RPGRIP1: variants seen among roughly 807,000 people sequenced by gnomAD.
The protein encoded by RPGRIP1 is X-linked retinitis pigmentosa GTPase regulator-interacting protein 1.
In RPGRIP1, 128 loss-of-function variants were observed where a neutral mutation model predicts 157.9. The observed-to-expected ratio is 0.81, with a 90% CI of 0.70 to 0.94. The LOEUF (loss-of-function observed/expected upper bound fraction) is 0.94, where lower values mean the gene tolerates loss of function less well. RPGRIP1 is among the 40% of genes least tolerant of loss of function. RPGRIP1 has a pLI of 0.00. For synonymous variants in RPGRIP1, 554 were observed against 571.6 expected, an observed-to-expected ratio of 0.97 and a Z score of 0.44; for missense variants, 1,486 against 1,545.8, an observed-to-expected ratio of 0.96 and a Z score of 0.65.
At chr14:21,290,351 G>A (rs1880471829) in intron 2 of RPGRIP1, among the ~76,000 whole-genome samples, 1 of 152,126 alleles carries the variant, frequency 6.6e-6, no homozygotes, top group Non-Finnish European at 1.5e-5. Context: ...TGTAACTGAG[G>A]TGTTATCTCA....
intron 10 of RPGRIP1, among the ~76,000 whole-genome samples, chr14:21,315,367 C>T (rs1881731472): frequency 6.6e-6 from 1 of 151,604 alleles, no homozygotes; most frequent in Non-Finnish European, 1.5e-5. Context: ...ATTAGCCAGG[C>T]GTGGTGGCAG....
chr14:21,301,386 A>T (rs1009764544), intron 4 of RPGRIP1, 149 bp downstream of exon 4: 10 of 899,658 alleles, frequency 1.1e-5, no homozygotes, highest in Non-Finnish European at 1.7e-5. Flanking sequence ...TAAAATCTTT[A>T]TTTCCTGAGT....
At chr14:21,332,084 G>A (rs1404187541) in intron 20 of RPGRIP1, among the ~76,000 whole-genome samples, 1 of 151,512 alleles carries the variant, frequency 6.6e-6, no homozygotes, top group Non-Finnish European at 1.5e-5. Flanking sequence ...GACTACAGGT[G>A]TGCCCCACTA....
At chr14:21,288,270 T>C (rs1345105137) in intron 2 of RPGRIP1, among the ~76,000 whole-genome samples, 1 of 148,020 alleles carries the variant, frequency 6.8e-6, no homozygotes, top group African/African-American at 2.5e-5. Flanking sequence ...AGCCTCCGAC[T>C]CCTGGGTTCA....
Position 21,317,457 on chromosome 14 carries a change from G to A in RPGRIP1, c.1152-239G>A, listed in dbSNP as rs3748356. The A allele has an allele frequency of 5.2e-4, 472 of 911,090 alleles. 3 individuals are homozygous for A. The East Asian group carries it at 0.012, about 23-fold the overall frequency. The allele number at this position is 911,090 out of a possible 1,614,324, so 56.4% of individuals were successfully genotyped here. ...TCCTTGGGAAATGGATATGACTTGG[G>A]GTGTTTGCTCAGTCAGATATCTGAG... On this transcript the variant is annotated intron_variant, in intron 10 of 24. Transcript: ENST00000400017.
At chr14:21,338,027 C>T (rs1175669656) in intron 21 of RPGRIP1, among the ~76,000 whole-genome samples, 1 of 152,148 alleles carries the variant, frequency 6.6e-6, no homozygotes, top group East Asian at 1.9e-4. Context: ...AGCAATTCTC[C>T]TGTCTCACCC....
Position 21,286,889 on chromosome 14 carries a change from G to A in RPGRIP1, c.-38-1050G>A, listed in dbSNP as rs771737480. ...AAAGTCAGGAGACTGGGCCTGGCAC[G>A]GTGGCTCATGCCTTTAATCCTAGCA... On this transcript the variant is annotated intron_variant, in intron 1 of 24. Transcript: ENST00000400017. Among the ~76,000 whole-genome samples, 8 of 151,962 alleles carry A rather than the reference G, an allele frequency of 5.3e-5. No homozygotes were observed. The South Asian group carries it at 1.0e-3, about 20-fold the overall frequency.
rs986728579 is a variant in RPGRIP1 at position 21,338,151 on chromosome 14, C to T, written c.3339+3446C>T. ...CAGGATGGTCTCAATCTCCTGACCT[C>T]GTGATCTGCCCGCCTCGGCCTCCCA... On this transcript the variant is annotated intron_variant, in intron 21 of 24. Coordinates refer to ENST00000400017, the MANE Select transcript of RPGRIP1 (RefSeq NM_020366.4). Among the ~76,000 whole-genome samples, 3 of 151,824 alleles carry T rather than the reference C, an allele frequency of 2.0e-5. No homozygotes were observed. The East Asian group carries it at 5.9e-4, about 30-fold the overall frequency.
At chr14:21,329,806 A>G (rs1286503827) in intron 19 of RPGRIP1, among the ~76,000 whole-genome samples, 1 of 150,894 alleles carries the variant, frequency 6.6e-6, no homozygotes, top group African/African-American at 2.4e-5. Context: ...AACGAGTACT[A>G]ACTTTTAAAA....
chr14:21,330,181 A>C (rs1474732982), intron 19 of RPGRIP1, 68 bp from the exon 20 acceptor site: 16 of 1,084,116 alleles, frequency 1.5e-5, no homozygotes, highest in Middle Eastern at 2.1e-4. Flanking sequence ...AGAAGGCAGG[A>C]AGGAAGGAAT....
chr14:21,288,111 C>T (rs1880366645), intron 2 of RPGRIP1, 50 bp downstream of exon 2: 1 of 1,143,300 alleles, frequency 8.7e-7, no homozygotes, highest in Non-Finnish European at 1.3e-6. Flanking sequence ...AAAGAACTCT[C>T]ACTGTGGAAC....
Position 21,351,152 on chromosome 14 carries a change from C to T in RPGRIP1, c.3797C>T (p.Ser1266Phe), listed in dbSNP as rs1886244216. The T allele has an allele frequency of 1.9e-6, 3 of 1,612,804 alleles. No homozygotes were observed. Among genetic ancestry groups the T allele is most frequent in the East Asian group, 4.5e-5 (2 of 44,848 alleles). ...LATPIGRLKV[S>F]LQAAAVLHAI... Reference sequence around the variant, plus strand: ...ACCCCAATAGGAAGGCTGAAGGTTTCCCTTCAAGCAGCTGCTGTCCTCCAT... The same window carrying T: ...ACCCCAATAGGAAGGCTGAAGGTTTTCCTTCAAGCAGCTGCTGTCCTCCAT... The change falls in exon 25 of 25, where the codon TCC (serine) becomes TTC (phenylalanine). Residue 1266 changes from serine (S) to phenylalanine (F), a missense_variant. Ser to Phe is a radical substitution (Grantham distance 155). Coordinates refer to ENST00000400017, the MANE Select transcript of RPGRIP1 (RefSeq NM_020366.4).
intron 3 of RPGRIP1, among the ~76,000 whole-genome samples, chr14:21,295,169 T>C: frequency 6.6e-6 from 1 of 151,942 alleles, no homozygotes; most frequent in Non-Finnish European, 1.5e-5. Context: ...AAGCAATATT[T>C]CTTTAGTCAA....
At chr14:21,351,006 T>G (rs1594291623) in intron 24 of RPGRIP1, 98 bp from the exon 25 acceptor site, 1 of 647,466 alleles carries the variant, frequency 1.5e-6, no homozygotes, top group Non-Finnish European at 2.7e-6. Flanking sequence ...ATGAAATGGG[T>G]AATTTCATTC....
At chr14:21,312,359 G>GT in intron 9 of RPGRIP1, 74 bp from the exon 10 acceptor site, 1 of 1,041,674 alleles carries the variant, frequency 9.6e-7, no homozygotes, top group Non-Finnish European at 1.4e-6. Context: ...GCCCCTCCCT[G>GT]CCATGGACAG....
intron 24 of RPGRIP1, among the ~76,000 whole-genome samples, chr14:21,350,391 A>AAAACAAAC (rs1555307774): frequency 3.5e-5 from 5 of 142,786 alleles, no homozygotes; most frequent in Admixed American, 1.4e-4. Context: ...AAAAAAAAAA[A>AAAACAAAC]AAAAAGAAAA....
intron 5 of RPGRIP1, 88 bp from the exon 6 acceptor site, chr14:21,303,243 C>A (rs1881116033): frequency 2.3e-6 from 2 of 857,118 alleles, no homozygotes; most frequent in Non-Finnish European, 3.6e-6. Flanking sequence ...ACCAAGGTTA[C>A]TGATTCACTT....
At chr14:21,286,266 C>T (rs1487101530) in intron 1 of RPGRIP1, among the ~76,000 whole-genome samples, 1 of 151,912 alleles carries the variant, frequency 6.6e-6, no homozygotes, top group Non-Finnish European at 1.5e-5. Flanking sequence ...GCCGGGGTTA[C>T]AGGCATGAGC....
intron 8 of RPGRIP1, among the ~76,000 whole-genome samples, chr14:21,311,377 C>T (rs1881535422): frequency 6.6e-6 from 1 of 152,074 alleles, no homozygotes; most frequent in South Asian, 2.1e-4. Context: ...CATGGAGAAA[C>T]CCTGTCTCTA....
Sources: allele counts gnomAD v4.1 joint callset (sites outside exome capture counted in the v4.1 genomes callset), GRCh38; gene constraint gnomAD v4.1.1; transcripts MANE v1.5; gene names NCBI Gene and HGNC (gene_info 2026-07-23, HGNC 2026-07-21).